The following RAP1A variants were observed in gnomAD, a reference collection of about 807,000 sequenced individuals.
The protein encoded by RAP1A is ras-related protein Rap-1A.
In RAP1A, 6 loss-of-function variants were observed where a neutral mutation model predicts 26.4. The observed-to-expected ratio is 0.23, with a 90% confidence interval of 0.12 to 0.45. The LOEUF (loss-of-function observed/expected upper bound fraction) is 0.45, where lower values mean the gene tolerates loss of function less well. RAP1A is among the 20% of genes least tolerant of loss of function. The pLI, the probability that RAP1A is intolerant of heterozygous loss-of-function variation, is 0.99. For missense variants in RAP1A, 121 were observed against 217.2 expected (o/e 0.56, Z 2.78); for synonymous variants, 73 against 79.4 (o/e 0.92, Z 0.43).
At chr1:111,620,333 T>C (rs1659153029) in intron 1 of RAP1A, among the ~76,000 whole-genome samples, 2 of 152,188 alleles carry the variant, frequency 1.3e-5, no homozygotes, top group African/African-American at 4.8e-5. Flanking sequence ...CCTCACTGCC[T>C]GAGAGAAGTA....
chr1:111,610,105 T>C (rs889916597), intron 1 of RAP1A, among the ~76,000 whole-genome samples: 1 of 152,202 alleles, frequency 6.6e-6, no homozygotes, highest in Non-Finnish European at 1.5e-5. Flanking sequence ...TGCAAAACCC[T>C]AAGACTCACC....
At chr1:111,660,894 T>C (rs1355530141) in intron 1 of RAP1A, among the ~76,000 whole-genome samples, 1 of 152,256 alleles carries the variant, frequency 6.6e-6, no homozygotes, top group Non-Finnish European at 1.5e-5. Context: ...CCCTCAGATG[T>C]CTGCCCAACT....
intron 1 of RAP1A, among the ~76,000 whole-genome samples, chr1:111,597,379 C>A (rs1334971498): frequency 6.6e-5 from 10 of 152,012 alleles, no homozygotes; most frequent in Non-Finnish European, 1.3e-4. Context: ...TGCATTAAGC[C>A]CAGTCTTTAA....
intron 1 of RAP1A, among the ~76,000 whole-genome samples, chr1:111,662,118 G>A (rs1359212902): frequency 3.9e-5 from 6 of 151,986 alleles, no homozygotes; most frequent in African/African-American, 1.2e-4. Flanking sequence ...TTGATTGGCC[G>A]GGTGTGGTGG....
upstream of RAP1A, among the ~76,000 whole-genome samples, chr1:111,617,808 C>T (rs578116024): frequency 1.3e-5 from 2 of 151,492 alleles, no homozygotes; most frequent in African/African-American, 4.8e-5. Context: ...CTTTGGGAGG[C>T]CGAGGCGGGT....
At chr1:111,542,461 G>A (rs1357916461) in exon 1 of RAP1A, 6 of 197,458 alleles carry the variant, frequency 3.0e-5, no homozygotes, top group Non-Finnish European at 5.3e-5. Flanking sequence ...GTCGAGGGCC[G>A]TGTAGGAGTT....
intron 4 of RAP1A, among the ~76,000 whole-genome samples, chr1:111,699,479 T>TTTTTG (rs374442188): frequency 7.2e-6 from 1 of 139,024 alleles, no homozygotes; most frequent in Admixed American, 7.5e-5. Context: ...TTTTTTTTTT[T>TTTTTG]GAAACAGGGT....
intron 1 of RAP1A, among the ~76,000 whole-genome samples, chr1:111,603,118 G>A (rs781251396): frequency 1.6e-4 from 24 of 152,242 alleles, no homozygotes; most frequent in Non-Finnish European, 2.9e-5. Context: ...TTCCTGAGAT[G>A]AAGCAGAGGC....
At chr1:111,544,744 A>C (rs1467970746) in intron 1 of RAP1A, among the ~76,000 whole-genome samples, 1 of 151,716 alleles carries the variant, frequency 6.6e-6, no homozygotes, top group Admixed American at 6.6e-5. Context: ...TTTGGTATAT[A>C]CCCAATTTCT....
chr1:111,694,391 C>T (rs1661766872), intron 2 of RAP1A, among the ~76,000 whole-genome samples: 1 of 152,120 alleles, frequency 6.6e-6, no homozygotes, highest in Non-Finnish European at 1.5e-5. Context: ...TCAAATATTC[C>T]TCTGAGTAAT....
At chr1:111,589,933 C>G (rs761917690) in intron 1 of RAP1A, among the ~76,000 whole-genome samples, 2 of 151,868 alleles carry the variant, frequency 1.3e-5, no homozygotes, top group Non-Finnish European at 2.9e-5. Context: ...TTAATTTTTG[C>G]TTTTGTTTTT....
intron 1 of RAP1A, among the ~76,000 whole-genome samples, chr1:111,636,989 G>A (rs957673306): frequency 6.6e-6 from 1 of 152,096 alleles, no homozygotes; most frequent in African/African-American, 2.4e-5. Context: ...AGCTACTCCG[G>A]TATACCTCAT....
At chr1:111,593,094 G>A (rs942415599) in intron 1 of RAP1A, among the ~76,000 whole-genome samples, 1 of 152,164 alleles carries the variant, frequency 6.6e-6, no homozygotes, top group Admixed American at 6.6e-5. Flanking sequence ...AGGGGGCGGG[G>A]AGCCGGGTTG....
At chr1:111,671,501 C>T (rs1440364065) in intron 1 of RAP1A, among the ~76,000 whole-genome samples, 1 of 151,848 alleles carries the variant, frequency 6.6e-6, no homozygotes, top group Non-Finnish European at 1.5e-5. Flanking sequence ...TTTTGAGGCA[C>T]TCTCATTTTG....
chr1:111,684,393 C>G (rs1249143049), intron 1 of RAP1A, among the ~76,000 whole-genome samples: 1 of 152,160 alleles, frequency 6.6e-6, no homozygotes, highest in Admixed American at 6.5e-5. Flanking sequence ...ATTTAGAAAA[C>G]CCCATCGTCT....
chr1:111,620,348 G>A (rs895065300), intron 1 of RAP1A, among the ~76,000 whole-genome samples: 3 of 152,190 alleles, frequency 2.0e-5, no homozygotes, highest in African/African-American at 7.2e-5. Flanking sequence ...GAAGTAGAAG[G>A]TTGGACATCG....
intron 1 of RAP1A, among the ~76,000 whole-genome samples, chr1:111,594,722 T>A (rs899662375): frequency 3.3e-5 from 5 of 152,180 alleles, no homozygotes; most frequent in Admixed American, 6.5e-5. Flanking sequence ...TTTAGTCTTC[T>A]GCTCACCTGA....
intron 1 of RAP1A, among the ~76,000 whole-genome samples, chr1:111,571,487 C>A: frequency 6.6e-6 from 1 of 152,204 alleles, no homozygotes; most frequent in East Asian, 1.9e-4. Flanking sequence ...TAGCATAAAT[C>A]CAGATGTGGT....
At chr1:111,709,781 G>T (rs1662321665) in intron 7 of RAP1A, among the ~76,000 whole-genome samples, 1 of 152,138 alleles carries the variant, frequency 6.6e-6, no homozygotes. Flanking sequence ...TATTTCCTGT[G>T]TCTGGCTTCT....
Sources: allele counts gnomAD v4.1 joint callset (sites outside exome capture counted in the v4.1 genomes callset), GRCh38; gene constraint gnomAD v4.1.1; transcripts MANE v1.5; gene names NCBI Gene and HGNC (gene_info 2026-07-23, HGNC 2026-07-21).